SNX8: variants seen among roughly 807,000 people sequenced by gnomAD.
SNX8 encodes sorting nexin 8.
SNX8 carries 25 observed loss-of-function variants against 51.6 expected under a neutral mutation model. The ratio of observed to expected loss-of-function variants is 0.48; its 90% confidence interval spans 0.35 to 0.68. The LOEUF is 0.68. Ranked by LOEUF, SNX8 falls within the 30% of genes least tolerant of loss-of-function variation. The probability of loss-of-function intolerance (pLI) is 0.00; values close to 1 mark genes in which losing one functional copy is unlikely to be tolerated. For synonymous variants in SNX8, 324 were observed against 277.0 expected (o/e 1.17, Z -1.68); for missense variants, 695 against 624.0 (o/e 1.11, Z -1.21).
chr7:2,330,138 CTTTT>C (rs71023396), intron 1 of SNX8, among the ~76,000 whole-genome samples: 4 of 107,052 alleles, frequency 3.7e-5, no homozygotes, highest in Admixed American at 1.1e-4. Flanking sequence ...GCCCTTTTTT[CTTTT>C]TTTTTTTTTT....
upstream of SNX8, among the ~76,000 whole-genome samples, chr7:2,317,251 C>CTTTTTT (rs780593342): frequency 3.2e-4 from 14 of 43,116 alleles, 3 homozygotes; most frequent in Middle Eastern, 0.019. Flanking sequence ...CCTGGACCTT[C>CTTTTTT]TTTTTTTTTT....
intron 2 of SNX8, among the ~76,000 whole-genome samples, chr7:2,277,732 G>A (rs775172253): frequency 1.2e-4 from 18 of 151,932 alleles, no homozygotes; most frequent in Non-Finnish European, 2.4e-4. Context: ...GCTTGAACCC[G>A]GGAGGCAGAG....
rs769427603 is a variant in SNX8, at chr7:2,278,139, G to A, written c.261C>T (p.Gly87=). ...VQVELIPEKK[G]LFLKHVEYEV... Reference sequence around the variant, plus strand: ...CATACTCCACATGCTTCAGGAAGAGGCCCTTCTTCTCCGGAATGAGCTCCA... The same window carrying A: ...CATACTCCACATGCTTCAGGAAGAGACCCTTCTTCTCCGGAATGAGCTCCA... Residue 87 remains glycine, a synonymous_variant, in exon 2 of 11, where the codon GGC becomes GGT. Transcript: ENST00000222990. 5 of 1,614,014 alleles carry A rather than the reference G, an allele frequency of 3.1e-6. No individual in the cohort carries two copies. The highest frequency in any genetic ancestry group is 4.2e-6 in the Non-Finnish European group (5 of 1,180,022).
At chr7:2,351,902 T>C (rs1308151361) in intron 1 of SNX8, among the ~76,000 whole-genome samples, 1 of 91,666 alleles carries the variant, frequency 1.1e-5, no homozygotes, top group Non-Finnish European at 2.4e-5. Flanking sequence ...GTTGTTGTTG[T>C]TGGTTTTTTT....
intron 1 of SNX8, among the ~76,000 whole-genome samples, chr7:2,331,154 C>T (rs951850764): frequency 2.7e-4 from 39 of 144,044 alleles, no homozygotes; most frequent in Non-Finnish European, 4.5e-4. Flanking sequence ...CTACTGCACT[C>T]CAGCCTGGCG....
chr7:2,281,862 C>A (rs1795913879), intron 1 of SNX8, among the ~76,000 whole-genome samples: 1 of 152,182 alleles, frequency 6.6e-6, no homozygotes, highest in Admixed American at 6.5e-5. Flanking sequence ...CACCCCTGGG[C>A]CTGGCCATCG....
At chr7:2,285,672 AT>A (rs201638457) in intron 1 of SNX8, among the ~76,000 whole-genome samples, 59 of 151,666 alleles carry the variant, frequency 3.9e-4, no homozygotes, top group Admixed American at 9.2e-4. Context: ...TTCTTTTTCT[AT>A]TTTTTTTATT....
At chr7:2,275,779 A>G (rs1372160025) in intron 2 of SNX8, among the ~76,000 whole-genome samples, 2 of 151,912 alleles carry the variant, frequency 1.3e-5, no homozygotes, top group Admixed American at 1.3e-4. Flanking sequence ...CAGGCGGATC[A>G]TGAGGTCAGG....
At chr7:2,349,951 A>T (rs1284680677) in intron 1 of SNX8, among the ~76,000 whole-genome samples, 1 of 152,104 alleles carries the variant, frequency 6.6e-6, no homozygotes, top group Non-Finnish European at 1.5e-5. Context: ...GCCCAGCATG[A>T]GGCTCCCAGG....
rs554235434 is a variant in SNX8, at chr7:2,284,258, G to A, written c.95-5953C>T. Among the ~76,000 whole-genome samples the A allele has an allele frequency of 1.2e-4, 19 of 152,142 alleles. No homozygotes were observed. In the South Asian group the frequency reaches 3.9e-3, roughly 32 times the overall value. ...AATCTGCATTTCTAACAAGTTCCCAGATGCTGCTTCTGGTCAGGGGCCACA... is the reference window on the plus strand; with the variant it reads ...AATCTGCATTTCTAACAAGTTCCCAAATGCTGCTTCTGGTCAGGGGCCACA... On this transcript the variant is annotated intron_variant, in intron 1 of 10. Transcript: ENST00000222990.
In SNX8 at chr7:2,269,632, T is replaced by C. The variant is rs1795594975; in HGVS notation, c.548A>G (p.Gln183Arg). The change falls in exon 5 of 11, where the codon CAG (glutamine) becomes CGG (arginine). Residue 183 changes from glutamine to arginine, a missense_variant. By Grantham distance (43) the Gln-to-Arg change is conservative (BLOSUM62 1). Coordinates refer to ENST00000222990, the MANE Select transcript of SNX8 (RefSeq NM_013321.4). Reference protein sequence around the residue: ...LFLSFSGSDVQNKLKESAQCV... With the variant: ...LFLSFSGSDVRNKLKESAQCV... ...CTGTGCTGACTCCTTTAACTTGTTC[T>C]GCACATCCTGCAAAAGGAAAACACA... 6.3e-7 allele frequency: 1 copy of C among 1,596,186 alleles called. No individual in the cohort carries two copies. Among genetic ancestry groups the C allele is most frequent in the African/African-American group, 1.3e-5 (1 of 74,418 alleles).
chr7:2,342,338 A>G (rs1392708985), intron 1 of SNX8, among the ~76,000 whole-genome samples: 1 of 151,686 alleles, frequency 6.6e-6, no homozygotes, highest in Admixed American at 6.6e-5. Flanking sequence ...TAGTAATAAT[A>G]ATCTCAAGGG....
At chr7:2,335,005 G>A (rs1052499092) in intron 1 of SNX8, among the ~76,000 whole-genome samples, 3 of 151,832 alleles carry the variant, frequency 2.0e-5, no homozygotes, top group Non-Finnish European at 4.4e-5. Context: ...AGGCCAGCCT[G>A]TCCAATGTGG....
chr7:2,349,471 C>T (rs1228339886), intron 1 of SNX8, among the ~76,000 whole-genome samples: 3 of 149,276 alleles, frequency 2.0e-5, no homozygotes, highest in African/African-American at 7.4e-5. Flanking sequence ...GACAGTTTAT[C>T]ACTCTGTCAC....
At chr7:2,340,856 C>CA (rs71026503) in intron 1 of SNX8, among the ~76,000 whole-genome samples, 2,228 of 45,094 alleles carry the variant, frequency 0.049, 196 homozygotes, top group Non-Finnish European at 0.068. Context: ...GGCTGCTTCT[C>CA]AAAAAAAAAA....
intron 1 of SNX8, chr7:2,309,793 C>A (rs1277413660): frequency 2.1e-6 from 1 of 470,908 alleles, no homozygotes; most frequent in Admixed American, 2.4e-5. Context: ...CGTATTCACA[C>A]AGAGAACAGA....
intron 1 of SNX8, among the ~76,000 whole-genome samples, chr7:2,291,256 C>T (rs1053236265): frequency 9.9e-5 from 15 of 151,866 alleles, no homozygotes; most frequent in Non-Finnish European, 1.9e-4. Flanking sequence ...GCTATGATTG[C>T]GCTACTGCAG....
chr7:2,351,709 T>A (rs1010271166), intron 1 of SNX8, among the ~76,000 whole-genome samples: 1 of 151,416 alleles, frequency 6.6e-6, no homozygotes, highest in Admixed American at 6.6e-5. Context: ...CAGGCGCCTG[T>A]AGTCCCAGCT....
intron 1 of SNX8, among the ~76,000 whole-genome samples, chr7:2,281,299 G>A (rs1795900599): frequency 6.6e-6 from 1 of 151,950 alleles, no homozygotes; most frequent in South Asian, 2.1e-4. Context: ...GCAACCTGTA[G>A]TCCCAGCTAC....
Sources: gnomAD v4.1 joint callset for allele counts (sites outside exome capture counted in the v4.1 genomes callset) on GRCh38, gnomAD v4.1.1 for gene constraint, MANE v1.5 for transcripts, NCBI Gene and HGNC (gene_info 2026-07-23, HGNC 2026-07-21) for gene names.